RIMS4: variants seen among roughly 807,000 people sequenced by gnomAD.
RIMS4 encodes the protein regulating synaptic membrane exocytosis protein 4.
A neutral mutation model predicts 29.0 loss-of-function variants in RIMS4; 9 were observed. The observed-to-expected ratio is 0.31, with a 90% confidence interval of 0.19 to 0.54. RIMS4 has a LOEUF of 0.54. Among genes scored for constraint, RIMS4 ranks in the 20% least tolerant of loss-of-function variants. The pLI is 0.94. For synonymous variants in RIMS4, 130 were observed against 152.9 expected (o/e 0.85, Z 1.10); for missense variants, 193 against 365.7 (o/e 0.53, Z 3.85).
chr20:44,752,121 A>G lies in RIMS4; in HGVS notation c.*4013T>C, dbSNP rs561828063. The G allele has an allele frequency of 6.6e-6, 1 of 152,398 alleles. No homozygotes were observed. Among genetic ancestry groups the G allele is most frequent in the African/African-American group, 2.4e-5 (1 of 41,570 alleles). The allele number at this position is 152,398 out of a possible 1,614,324, so 9.4% of individuals were successfully genotyped here. A position where few individuals can be genotyped will look rare whatever the true frequency, so the allele number is the denominator to read the frequency against. ...TGAAGCGCTGGGTTAGACGGGCACC[A>G]TCAGCCCACCTCACAGGCTCGGCGT... On this transcript the variant is annotated 3_prime_UTR_variant, in exon 6 of 6. Transcript: ENST00000372851.
intron 2 of RIMS4, among the ~76,000 whole-genome samples, chr20:44,768,136 A>T (rs550416687): frequency 2.6e-5 from 4 of 152,258 alleles, no homozygotes; most frequent in Admixed American, 6.5e-5. Context: ...TGGGAACACA[A>T]CATTTCCCAA....
At position 44,756,482 on chromosome 20, in the gene RIMS4, C is replaced by T; in HGVS notation, c.592-130G>A. The T allele has an allele frequency of 1.4e-6, 1 of 703,674 alleles. No homozygotes were observed. Among genetic ancestry groups the T allele is most frequent in the South Asian group, 1.8e-5 (1 of 57,066 alleles). 43.6% of individuals were successfully genotyped at this position (703,674 alleles called of 1,614,324 possible). On this transcript the variant is annotated intron_variant, in intron 5 of 5. Transcript: ENST00000372851. The surrounding 1 kb of genome is among the most constrained non-coding windows in gnomAD (Gnocchi z 5.9). ...TTCTACCTCCTTAAAACTGCAATTCCTCAACAGGCCTTTCTTATCACGGGG... is the reference window on the plus strand; with the variant it reads ...TTCTACCTCCTTAAAACTGCAATTCTTCAACAGGCCTTTCTTATCACGGGG...
chr20:44,796,357 G>C (rs1040952473), intron 1 of RIMS4, among the ~76,000 whole-genome samples: 2 of 152,184 alleles, frequency 1.3e-5, no homozygotes, highest in African/African-American at 2.4e-5. Flanking sequence ...ACTTGCCTTA[G>C]GTCACCAGAA....
At chr20:44,759,192 C>A (rs2066073532) in intron 2 of RIMS4, among the ~76,000 whole-genome samples, 1 of 152,118 alleles carries the variant, frequency 6.6e-6, no homozygotes, top group Admixed American at 6.5e-5. Context: ...GCACTTGCAA[C>A]CCATTTTCTC....
At chr20:44,768,343 C>T (rs115720088) in intron 2 of RIMS4, among the ~76,000 whole-genome samples, 6 of 152,218 alleles carry the variant, frequency 3.9e-5, no homozygotes, top group Admixed American at 2.6e-4. Context: ...GGTGATCCAG[C>T]GCAGTCAGAC....
rs766785910 is a variant in RIMS4 at position 44,756,293 on chromosome 20, G to T, written c.651C>A (p.Arg217=). The T allele has an allele frequency of 2.5e-6, 4 of 1,613,786 alleles. No individual in the cohort carries two copies. Among genetic ancestry groups the T allele is most frequent in the South Asian group, 1.1e-5 (1 of 91,068 alleles). ...TCAAGTCCAGCTCCTCCAGCAGCAC[G>T]CGAGCCACACCCATGAACTGCTTCC... is the stretch of plus-strand genomic sequence containing the variant. ...MERKQFMGVA[R]VLLEELDLTT... The change falls in exon 6 of 6, where the codon CGC becomes CGA. Residue 217 remains arginine, a synonymous_variant. Coordinates refer to ENST00000372851, the MANE Select transcript of RIMS4 (RefSeq NM_182970.4). This position sits in a 1 kb window ranked among gnomAD's most constrained non-coding sequence, Gnocchi z 5.9.
chr20:44,763,973 T>C (rs1188002782), intron 2 of RIMS4, among the ~76,000 whole-genome samples: 1 of 151,842 alleles, frequency 6.6e-6, no homozygotes, highest in Non-Finnish European at 1.5e-5. Context: ...CATTTATCCA[T>C]CCATCCATCC....
chr20:44,796,718 C>T (rs2066256689), intron 1 of RIMS4, among the ~76,000 whole-genome samples: 1 of 152,190 alleles, frequency 6.6e-6, no homozygotes, highest in Admixed American at 6.5e-5. Context: ...GGCACCCCAG[C>T]TGAGGAAATG....
chr20:44,770,760 T>C (rs2066133522), intron 2 of RIMS4, among the ~76,000 whole-genome samples: 1 of 152,076 alleles, frequency 6.6e-6, no homozygotes, highest in South Asian at 2.1e-4. Context: ...TATAAAGCAG[T>C]AGTATACATT....
At chr20:44,806,227 T>C (rs1266386295) in intron 1 of RIMS4, among the ~76,000 whole-genome samples, 2 of 152,244 alleles carry the variant, frequency 1.3e-5, no homozygotes, top group East Asian at 1.9e-4. Context: ...AACTGGACGC[T>C]GAAACCACTT....
chr20:44,758,330 T>C (rs1422083972), intron 2 of RIMS4, 146 bp from the exon 3 acceptor site: 1 of 613,106 alleles, frequency 1.6e-6, no homozygotes, highest in Non-Finnish European at 2.9e-6. Flanking sequence ...CTGGCTCATG[T>C]GGTTTAGTGC....
At chr20:44,777,090 G>A (rs1253648759) in intron 1 of RIMS4, among the ~76,000 whole-genome samples, 1 of 152,122 alleles carries the variant, frequency 6.6e-6, no homozygotes, top group African/African-American at 2.4e-5. Context: ...CTTCTCTTGG[G>A]GTAACTATTC....
rs1336975043 is a variant in RIMS4 at position 44,810,303 on chromosome 20, G to A, written c.-32C>T. On this transcript the variant is annotated 5_prime_UTR_variant, in exon 1 of 6. Transcript: ENST00000372851. ...GCCGGCGCCGGGCGCCTCGGCCGCG[G>A]CGGCGGCGGCGGCGGCGGGCGGCTT... 7 of 769,922 alleles carry A rather than the reference G, an allele frequency of 9.1e-6. No homozygotes were observed. Among genetic ancestry groups the A allele is most frequent in the South Asian group, 5.7e-5 (1 of 17,600 alleles). The allele number at this position is 769,922 out of a possible 1,614,324, so 47.7% of individuals were successfully genotyped here. A position where few individuals can be genotyped will look rare whatever the true frequency, so the allele number is the denominator to read the frequency against.
intron 1 of RIMS4, among the ~76,000 whole-genome samples, chr20:44,772,469 C>T (rs1334337033): frequency 6.6e-6 from 1 of 152,160 alleles, no homozygotes; most frequent in Non-Finnish European, 1.5e-5. Context: ...GCCTTGAGAG[C>T]AGCCTTAATC....
At position 44,810,285 on chromosome 20, in the gene RIMS4, CCGGGCGCCTCGGCCGCGGCGG is replaced by C; in HGVS notation, c.-35_-15del. 1 of 1,106,880 alleles carries C rather than the reference CCGGGCGCCTCGGCCGCGGCGG, an allele frequency of 9.0e-7. No homozygotes were observed. 68.6% of individuals were successfully genotyped at this position (1,106,880 alleles called of 1,614,324 possible). Reference sequence around the variant, plus strand: ...CGAGCGCTCCATGCCCGCGCCGGCGCCGGGCGCCTCGGCCGCGGCGGCGGCGGCGGCGGCGGGCGGCTTGGG... The same window carrying C: ...CGAGCGCTCCATGCCCGCGCCGGCGCCGGCGGCGGCGGCGGGCGGCTTGGG... On this transcript the variant is annotated 5_prime_UTR_variant, in exon 1 of 6. Coordinates refer to ENST00000372851, the MANE Select transcript of RIMS4 (RefSeq NM_182970.4).
intron 1 of RIMS4, among the ~76,000 whole-genome samples, chr20:44,801,845 C>G (rs1052460848): frequency 6.6e-6 from 1 of 152,158 alleles, no homozygotes; most frequent in African/African-American, 2.4e-5. Flanking sequence ...GAATTTGGTA[C>G]CCAGTGTCCC....
intron 1 of RIMS4, among the ~76,000 whole-genome samples, chr20:44,784,843 C>T (rs1297615667): frequency 2.6e-5 from 4 of 152,260 alleles, no homozygotes; most frequent in Admixed American, 2.6e-4. Context: ...GGCTGGCACT[C>T]AGCAGGTCCT....
intron 1 of RIMS4, among the ~76,000 whole-genome samples, chr20:44,782,440 T>C (rs1451437432): frequency 6.6e-6 from 1 of 152,016 alleles, no homozygotes; most frequent in African/African-American, 2.4e-5. Context: ...AATTTTTTTT[T>C]TCCTTTTTGT....
At chr20:44,779,081 A>C (rs1190225320) in intron 1 of RIMS4, among the ~76,000 whole-genome samples, 8 of 152,232 alleles carry the variant, frequency 5.3e-5, no homozygotes, top group African/African-American at 1.9e-4. Flanking sequence ...GTCCCAATTT[A>C]CATTTCCATT....
Sources: allele counts gnomAD v4.1 joint callset (sites outside exome capture counted in the v4.1 genomes callset), GRCh38; gene constraint gnomAD v4.1.1; non-coding constraint Gnocchi (gnomAD v3.1); transcripts MANE v1.5; gene names NCBI Gene and HGNC (gene_info 2026-07-23, HGNC 2026-07-21).